EYS: variants seen among roughly 807,000 people sequenced by gnomAD.
EYS encodes the protein protein eyes shut homolog.
A neutral mutation model predicts 282.1 loss-of-function variants in EYS; 250 were observed. The ratio of observed to expected loss-of-function variants is 0.89; its 90% confidence interval spans 0.80 to 0.98. The LOEUF (loss-of-function observed/expected upper bound fraction) is 0.98. Ranked by LOEUF, EYS falls within the 50% of genes least tolerant of loss-of-function variation. The pLI is 0.00. For missense variants in EYS, 4,016 were observed against 3,709.0 expected (o/e 1.08, Z -2.15); for synonymous variants, 1,355 against 1,282.9 (o/e 1.06, Z -1.20).
At position 64,788,920 on chromosome 6, in the gene EYS, T is replaced by C. The variant is rs191591667; in HGVS notation, c.3443+24458A>G. On this transcript the variant is annotated intron_variant, in intron 22 of 42. Coordinates refer to ENST00000503581, the MANE Select transcript of EYS (RefSeq NM_001142800.2). ...TGGAGTTTGTAGTGGTAAAGATGTG[T>C]TTAATCTGCTACTTGTAACCCAAAA... is the stretch of plus-strand genomic sequence containing the variant. Among the ~76,000 whole-genome samples, 650 of 152,292 alleles carry C rather than the reference T, an allele frequency of 4.3e-3. 1 individual carries two copies. The highest frequency in any genetic ancestry group is 6.4e-3 in the Non-Finnish European group (438 of 68,008).
At chr6:64,704,018 C>T (rs1282927371) in intron 22 of EYS, among the ~76,000 whole-genome samples, 1 of 151,830 alleles carries the variant, frequency 6.6e-6, no homozygotes, top group Admixed American at 6.6e-5. Context: ...ATTGACTAAA[C>T]AGTTCTACAT....
chr6:65,101,881 G>A (rs749823185), intron 12 of EYS, among the ~76,000 whole-genome samples: 1 of 151,098 alleles, frequency 6.6e-6, no homozygotes, highest in Non-Finnish European at 1.5e-5. Flanking sequence ...ATTAGTGCTC[G>A]CTATCCAAAA....
intron 2 of EYS, among the ~76,000 whole-genome samples, chr6:65,586,318 G>A (rs1765047191): frequency 6.6e-6 from 1 of 151,846 alleles, no homozygotes; most frequent in African/African-American, 2.4e-5. Flanking sequence ...CTGATCTCTT[G>A]GTCAAGTAAT....
intron 31 of EYS, among the ~76,000 whole-genome samples, chr6:64,176,489 C>T (rs955990382): frequency 2.7e-5 from 4 of 150,740 alleles, no homozygotes; most frequent in African/African-American, 9.8e-5. Flanking sequence ...TAAATTTTAA[C>T]ATATCACGAT....
chr6:64,635,038 C>T (rs866457731), intron 22 of EYS, among the ~76,000 whole-genome samples: 1 of 151,962 alleles, frequency 6.6e-6, no homozygotes, highest in Non-Finnish European at 1.5e-5. Flanking sequence ...AGGTCCTTCA[C>T]ATCCCTTGTA....
chr6:64,375,404 A>C (rs1772530269), intron 29 of EYS, among the ~76,000 whole-genome samples: 1 of 152,236 alleles, frequency 6.6e-6, no homozygotes, highest in African/African-American at 2.4e-5. Context: ...AACATGAGTT[A>C]AAGAGCTTAA....
At chr6:65,311,428 T>A (rs897983476) in intron 11 of EYS, among the ~76,000 whole-genome samples, 1 of 152,210 alleles carries the variant, frequency 6.6e-6, no homozygotes, top group African/African-American at 2.4e-5. Context: ...CAGATAACAC[T>A]TAGTCCTGGA....
intron 22 of EYS, among the ~76,000 whole-genome samples, chr6:64,776,074 C>T (rs191740437): frequency 1.3e-5 from 2 of 151,998 alleles, no homozygotes; most frequent in South Asian, 2.1e-4. Flanking sequence ...TCAAAACGGG[C>T]TGCTGAAAAA....
intron 31 of EYS, among the ~76,000 whole-genome samples, chr6:64,134,383 A>C (rs1774090886): frequency 8.4e-6 from 1 of 118,858 alleles, no homozygotes; most frequent in African/African-American, 4.9e-5. Flanking sequence ...TGTTTTTAGC[A>C]AAAAAAAAAT....
At chr6:65,175,274 GT>G (rs1321967632) in intron 12 of EYS, among the ~76,000 whole-genome samples, 2 of 151,278 alleles carry the variant, frequency 1.3e-5, no homozygotes, top group Non-Finnish European at 3.0e-5. Flanking sequence ...ACTGGAAACA[GT>G]TTTCAGACAT....
intron 21 of EYS, among the ~76,000 whole-genome samples, chr6:64,819,069 C>T (rs1364385275): frequency 2.0e-5 from 3 of 152,210 alleles, no homozygotes; most frequent in Admixed American, 6.6e-5. Flanking sequence ...TATCTTTCTC[C>T]ATTTTTCTTG....
chr6:65,462,144 T>A (rs1485509804), intron 5 of EYS, among the ~76,000 whole-genome samples: 1 of 152,110 alleles, frequency 6.6e-6, no homozygotes, highest in African/African-American at 2.4e-5. Context: ...TAAAAATAAG[T>A]GAACTATAAA....
intron 21 of EYS, 87 bp from the exon 22 acceptor site, chr6:64,813,664 T>TA (rs1206988778): frequency 6.2e-6 from 5 of 805,382 alleles, no homozygotes; most frequent in Non-Finnish European, 8.8e-6. Flanking sequence ...AAACATAATC[T>TA]AAAAAACTGA....
At chr6:64,812,909 G>A (rs987483781) in intron 22 of EYS, among the ~76,000 whole-genome samples, 1 of 151,892 alleles carries the variant, frequency 6.6e-6, no homozygotes, top group African/African-American at 2.4e-5. Flanking sequence ...TTAAAAAGTG[G>A]TTCAAAAATA....
At chr6:65,301,488 C>T (rs1768824068) in intron 11 of EYS, among the ~76,000 whole-genome samples, 1 of 152,216 alleles carries the variant, frequency 6.6e-6, no homozygotes. Context: ...TCTTGGTTTT[C>T]TGCTAGTGCT....
intron 31 of EYS, among the ~76,000 whole-genome samples, chr6:64,194,338 A>C (rs111292532): frequency 0.027 from 4,123 of 152,326 alleles, 57 homozygotes; most frequent in African/African-American, 0.042. Context: ...CTCAAGTGGA[A>C]TGCATAGGTA....
At chr6:64,841,617 T>C (rs1201877732) in intron 19 of EYS, among the ~76,000 whole-genome samples, 3 of 152,142 alleles carry the variant, frequency 2.0e-5, no homozygotes, top group Admixed American at 2.0e-4. Context: ...TACTAAATTA[T>C]ATTGCTTTGA....
rs370950723 is a variant in EYS, at chr6:65,057,683, A to T, written c.2068T>A (p.Cys690Ser). The part of the protein sequence containing the change: ...IDIDECASHP[C>S]KNGATCIDQP... ...TCAATGCAGGTGGCTCCATTTTTGC[A>T]GGGATGTGAAGCACACTCATCTATA... Residue 690 changes from cysteine to serine, a missense_variant, in exon 13 of 43, where the codon TGC becomes AGC. Physicochemically the swap from Cys to Ser is moderately radical, Grantham distance 112. Coordinates refer to ENST00000503581, the MANE Select transcript of EYS (RefSeq NM_001142800.2). 107 of 1,551,114 alleles carry T rather than the reference A, an allele frequency of 6.9e-5. No individual in the cohort carries two copies. The African/African-American group carries it at 1.2e-3, about 18-fold the overall frequency.
intron 35 of EYS, among the ~76,000 whole-genome samples, chr6:63,945,683 T>TTGTA (rs1383841434): frequency 1.3e-5 from 2 of 152,220 alleles, no homozygotes; most frequent in African/African-American, 4.8e-5. Context: ...ATGATGAAAT[T>TTGTA]TGTATGTAAT....
Sources: allele counts gnomAD v4.1 joint callset (sites outside exome capture counted in the v4.1 genomes callset), GRCh38; gene constraint gnomAD v4.1.1; transcripts MANE v1.5; gene names NCBI Gene and HGNC (gene_info 2026-07-23, HGNC 2026-07-21).